Variants in DOCK6 observed in about 807,000 individuals in gnomAD.
DOCK6 encodes the protein dedicator of cytokinesis protein 6.
A neutral mutation model predicts 230.3 loss-of-function variants in DOCK6; 167 were observed. The ratio of observed to expected loss-of-function variants is 0.73; its 90% CI spans 0.64 to 0.82. The LOEUF (loss-of-function observed/expected upper bound fraction) is 0.82. DOCK6 is among the 40% of genes least tolerant of loss of function. The probability of loss-of-function intolerance (pLI) is 0.00; values close to 1 mark genes in which losing one functional copy is unlikely to be tolerated. For missense variants in DOCK6, 2,598 were observed against 2,825.8 expected, an observed-to-expected ratio of 0.92 and a Z score of 1.83; for synonymous variants, 1,148 against 1,185.0, an observed-to-expected ratio of 0.97 and a Z score of 0.64.
intron 1 of DOCK6, among the ~76,000 whole-genome samples, chr19:11,260,938 A>G (rs2080277844): frequency 6.6e-6 from 1 of 151,836 alleles, no homozygotes; most frequent in Non-Finnish European, 1.5e-5. Flanking sequence ...AGAAAAAGAA[A>G]CAGACAGCAA....
chr19:11,231,422 G>T (rs530726130), intron 22 of DOCK6, among the ~76,000 whole-genome samples: 1 of 151,764 alleles, frequency 6.6e-6, no homozygotes, highest in African/African-American at 2.4e-5. Context: ...TCCTTTCCAC[G>T]CTGTGTGATC....
rs369654745 is a variant in DOCK6 at position 11,253,499 on chromosome 19, C to G, written c.132+140G>C. The G allele has an allele frequency of 7.1e-4, 362 of 512,510 alleles. 2 individuals are homozygous for G. The East Asian group carries it at 0.011, about 16-fold the overall frequency. 31.7% of individuals were successfully genotyped at this position (512,510 alleles called of 1,614,324 possible). On this transcript the variant is annotated intron_variant, in intron 2 of 47. Coordinates refer to ENST00000294618, the MANE Select transcript of DOCK6 (RefSeq NM_020812.4). ...GGACCAGGACAGGCACTCCCTCCCC[C>G]GACACTGCTGGGTCCCTCTCGGTTT...
At chr19:11,244,142 A>G (rs2079995601) in intron 9 of DOCK6, among the ~76,000 whole-genome samples, 2 of 151,872 alleles carry the variant, frequency 1.3e-5, no homozygotes. Context: ...TTTTCCCTAA[A>G]TTTACTTATT....
At chr19:11,207,510 T>C (rs1370482962) in intron 39 of DOCK6, among the ~76,000 whole-genome samples, 1 of 152,024 alleles carries the variant, frequency 6.6e-6, no homozygotes, top group Non-Finnish European at 1.5e-5. Flanking sequence ...TTTATTTTAG[T>C]ATAGAAAGTT....
chr19:11,258,955 C>G (rs915527434), intron 1 of DOCK6, among the ~76,000 whole-genome samples: 1 of 151,638 alleles, frequency 6.6e-6, no homozygotes, highest in Admixed American at 6.6e-5. Context: ...TGGGGTTTCA[C>G]CATCTACAGA....
At position 11,252,175 on chromosome 19, in the gene DOCK6, G is replaced by C. The variant is rs200587566; in HGVS notation, c.451C>G (p.Arg151Gly). 2.5e-5 allele frequency: 40 copies of C among 1,584,974 alleles called. No individual in the cohort carries two copies. The highest frequency in any genetic ancestry group is 1.5e-4 in the South Asian group (13 of 86,764). The change falls in exon 5 of 48, where the codon CGC becomes GGC. Residue 151 changes from arginine to glycine, a missense_variant. Transcript: ENST00000294618. ...TQRERQKGLP[R>G]QVFEQDASGD... ...GAAGCATCCTGCTCAAAGACCTGGCGGGGGAGGCCCTTCTGTCGCTCCCGC... is the reference window on the plus strand; with the variant it reads ...GAAGCATCCTGCTCAAAGACCTGGCCGGGGAGGCCCTTCTGTCGCTCCCGC...
At chr19:11,209,142 A>C in intron 37 of DOCK6, 39 bp from the exon 38 acceptor site, 2 of 1,576,894 alleles carry the variant, frequency 1.3e-6, no homozygotes, top group Non-Finnish European at 8.6e-7. Context: ...GAGGGGACTC[A>C]CCTGGTCCTC....
At chr19:11,213,449 C>A in intron 34 of DOCK6, 121 bp from the exon 35 acceptor site, 3 of 1,399,592 alleles carry the variant, frequency 2.1e-6, no homozygotes, top group Non-Finnish European at 2.9e-6. Context: ...TGGCCAAGTA[C>A]CACTGGGTTC....
Position 11,236,330 on chromosome 19 carries a change from G to A in DOCK6, c.2392+16C>T. The A allele has an allele frequency of 6.5e-7, 1 of 1,536,198 alleles. No homozygotes were observed. The highest frequency in any genetic ancestry group is 1.7e-4 in the Middle Eastern group (1 of 5,894). On this transcript the variant is annotated intron_variant, in intron 20 of 47. Coordinates refer to ENST00000294618, the MANE Select transcript of DOCK6 (RefSeq NM_020812.4). This position sits in a 1 kb window ranked among gnomAD's most constrained non-coding sequence, Gnocchi z 5.2. ...TGTGGATGGGGAAACTGAGGTCTGA[G>A]GCCACATTCGCTTACCAATCTGGCC...
chr19:11,261,714 C>T (rs984878013), intron 1 of DOCK6, among the ~76,000 whole-genome samples: 9 of 151,982 alleles, frequency 5.9e-5, no homozygotes, highest in African/African-American at 2.2e-4. Context: ...CCCCCGTCTG[C>T]CCACCAGCTG....
chr19:11,210,066 A>G (rs2079348805), intron 37 of DOCK6, among the ~76,000 whole-genome samples: 2 of 105,182 alleles, frequency 1.9e-5, no homozygotes, highest in African/African-American at 3.9e-5. Flanking sequence ...CCATCCCTTC[A>G]CTTGTCTATC....
At chr19:11,228,420 G>C (rs2147802483) in intron 23 of DOCK6, among the ~76,000 whole-genome samples, 1 of 152,062 alleles carries the variant, frequency 6.6e-6, no homozygotes, top group Non-Finnish European at 1.5e-5. Context: ...GGGAAGGGTG[G>C]CTCTCTCTAA....
rs781204705 is a variant in DOCK6, at chr19:11,217,243, C to G, written c.3699G>C (p.Gln1233His). 6.2e-7 allele frequency: 1 copy of G among 1,612,596 alleles called. No homozygotes were observed. Among genetic ancestry groups the G allele is most frequent in the Admixed American group, 1.7e-5 (1 of 59,888 alleles). ...LAPGSRASIS[Q>H]GPPTASRAGC... is the part of the protein sequence containing the mutation. ...CCTCCCTACTCACCGTTGGTGGCCC[C>G]TGGGAGATGCTGGCCCGGGAGCCAG... is the stretch of plus-strand genomic sequence containing the variant. Residue 1233 changes from glutamine (Q) to histidine (H), a missense_variant, in exon 29 of 48, where the codon CAG becomes CAC. Physicochemically the swap from Gln to His is conservative, Grantham distance 24. Coordinates refer to ENST00000294618, the MANE Select transcript of DOCK6 (RefSeq NM_020812.4).
chr19:11,249,601 TA>T (rs1382081865), intron 6 of DOCK6, among the ~76,000 whole-genome samples: 5 of 147,994 alleles, frequency 3.4e-5, no homozygotes, highest in Middle Eastern at 3.9e-3. Flanking sequence ...TGTCCATATA[TA>T]AAAGCTATTG....
intron 5 of DOCK6, chr19:11,251,442 G>A (rs2080116355): frequency 4.9e-6 from 1 of 205,714 alleles, no homozygotes; most frequent in Non-Finnish European, 1.0e-5. Flanking sequence ...CTGTCGCCAG[G>A]GAAGGAGAGA....
In DOCK6 at chr19:11,201,956, G is replaced by A. The variant is rs374250039; in HGVS notation, c.5621C>T (p.Thr1874Met). Residue 1874 changes from threonine to methionine, a missense_variant, in exon 44 of 48, where the codon ACG becomes ATG. Transcript: ENST00000294618. This position sits in a 1 kb window ranked among gnomAD's most constrained non-coding sequence, Gnocchi z 4.3. ...GAAGGCGTGGTCGGTGCTGAGCAGC[G>A]TCTTACGCTTGTGTTGCTCGGGCAG... ...GELPEQHKRKTLLSTDHAFPY... is the reference protein window; with the variant it reads ...GELPEQHKRKMLLSTDHAFPY... The A allele has an allele frequency of 1.2e-5, 19 of 1,612,770 alleles. No homozygotes were observed. The highest frequency in any genetic ancestry group is 6.6e-5 in the South Asian group (6 of 90,950).
rs779760040 is a variant in DOCK6, at chr19:11,215,450, G to A, written c.4043C>T (p.Pro1348Leu). 22 of 1,613,010 alleles carry A rather than the reference G, an allele frequency of 1.4e-5. No individual in the cohort carries two copies. Among genetic ancestry groups the A allele is most frequent in the South Asian group, 2.2e-5 (2 of 91,034 alleles). The part of the protein sequence containing the change: ...RSRERSPFGN[P>L]ENVRWRKSVT... ...GCTCTTCCGCCAGCGCACATTCTCC[G>A]GATTCCCAAACGGGCTCCTCTCTGA... is the stretch of plus-strand genomic sequence containing the variant. The change falls in exon 32 of 48, where the codon CCG becomes CTG. Residue 1348 changes from proline to leucine, a missense_variant. Transcript: ENST00000294618.
At chr19:11,203,776 G>A (rs1449546420) in intron 41 of DOCK6, 1 of 529,176 alleles carries the variant, frequency 1.9e-6, no homozygotes, top group Non-Finnish European at 3.3e-6. Context: ...AAGAGACCAT[G>A]AGGGAGTCAA....
At position 11,237,456 on chromosome 19, in the gene DOCK6, A is replaced by C. The variant is rs765146457; in HGVS notation, c.2073T>G (p.Asp691Glu). ...PPPSYSVLTP[D>E]VALPGMRWVD... ...CAGGCAGGAGCTCCAGGGCACATAC[A>C]TCGGGTGTGAGCACGGAATAGCTGG... Residue 691 changes from aspartate to glutamate, a missense_variant and splice_region_variant, in exon 18 of 48, where the codon GAT becomes GAG. Coordinates refer to ENST00000294618, the MANE Select transcript of DOCK6 (RefSeq NM_020812.4). 1.9e-6 allele frequency: 3 copies of C among 1,613,526 alleles called. No homozygotes were observed. The highest frequency in any genetic ancestry group is 2.5e-6 in the Non-Finnish European group (3 of 1,179,828).
Sources: gnomAD v4.1 joint callset for allele counts (sites outside exome capture counted in the v4.1 genomes callset) on GRCh38, gnomAD v4.1.1 for gene constraint, Gnocchi (gnomAD v3.1) non-coding constraint, MANE v1.5 for transcripts, NCBI Gene and HGNC (gene_info 2026-07-23, HGNC 2026-07-21) for gene names.